MYLK2: variants seen among roughly 807,000 people sequenced by gnomAD.
The protein encoded by MYLK2 is myosin light chain kinase 2, skeletal/cardiac muscle.
A neutral mutation model predicts 58.2 loss-of-function variants in MYLK2; 27 were observed. The observed-to-expected ratio is 0.46, with a 90% CI of 0.34 to 0.64. MYLK2 has a LOEUF of 0.64. Ranked by LOEUF, MYLK2 falls within the 30% of genes least tolerant of loss-of-function variation. The pLI is 0.01. For synonymous variants in MYLK2, 310 were observed against 296.7 expected, an observed-to-expected ratio of 1.04 and a Z score of -0.46; for missense variants, 676 against 764.3, an observed-to-expected ratio of 0.88 and a Z score of 1.36.
intron 6 of MYLK2, 198 bp downstream of exon 6, chr20:31,824,550 A>G (rs2062269248): frequency 1.0e-6 from 1 of 985,354 alleles, no homozygotes; most frequent in Non-Finnish European, 1.2e-6. Flanking sequence ...ATAACCAGAT[A>G]CTTCAGTTAG....
intron 6 of MYLK2, chr20:31,824,657 CTGTGCTGGGCACTGGGGGTCTGGGAGTGA>C: frequency 1.2e-6 from 1 of 808,366 alleles, no homozygotes; most frequent in Non-Finnish European, 1.5e-6. Flanking sequence ...GGGCCAGGCC[CTGTGCTGGGCACTGGGGGTCTGGGAGTGA>C]AGTGGGTGTG....
intron 8 of MYLK2, chr20:31,828,687 GC>G (rs1287937918): frequency 3.3e-5 from 33 of 985,350 alleles, no homozygotes; most frequent in Non-Finnish European, 3.9e-5. Context: ...GCAGGGAGAT[GC>G]TGTTGCCGCC....
intron 8 of MYLK2, chr20:31,827,159 C>A: frequency 1.0e-6 from 1 of 984,676 alleles, no homozygotes; most frequent in Non-Finnish European, 1.2e-6. Context: ...AGACGTGGTA[C>A]CAGCTTTCAT....
intron 3 of MYLK2, among the ~76,000 whole-genome samples, chr20:31,821,123 C>T (rs940067651): frequency 2.0e-5 from 3 of 152,172 alleles, no homozygotes; most frequent in African/African-American, 7.2e-5. Flanking sequence ...TACCATATCA[C>T]TTTGATAATT....
intron 8 of MYLK2, chr20:31,828,713 C>A (rs1290917795): frequency 1.0e-6 from 1 of 985,282 alleles, no homozygotes; most frequent in Non-Finnish European, 1.2e-6. Flanking sequence ...ACACCTGTCC[C>A]AGTTTTGCTC....
At chr20:31,825,614 G>T (rs903836226) in intron 6 of MYLK2, among the ~76,000 whole-genome samples, 1 of 152,136 alleles carries the variant, frequency 6.6e-6, no homozygotes, top group Non-Finnish European at 1.5e-5. Context: ...TAAGGTAGAG[G>T]GGGTACAGGG....
At chr20:31,826,070 A>C (rs2062277669) in intron 6 of MYLK2, among the ~76,000 whole-genome samples, 1 of 152,006 alleles carries the variant, frequency 6.6e-6, no homozygotes, top group Admixed American at 6.6e-5. Context: ...TTTGTCCTGC[A>C]CCCTTGGGTG....
rs1259474547 is a variant in MYLK2 at position 31,833,971 on chromosome 20, C to T, written c.*174C>T. ...CGCCCCCATGCAGTGACCGCTTCCC[C>T]GATGTGAGCCGCCTCGGAGTGTGGC... On this transcript the variant is annotated 3_prime_UTR_variant, in exon 13 of 13. Coordinates refer to ENST00000375985, the MANE Select transcript of MYLK2 (RefSeq NM_033118.4). 28 of 622,256 alleles carry T rather than the reference C, an allele frequency of 4.5e-5. No individual in the cohort carries two copies. Among genetic ancestry groups the T allele is most frequent in the East Asian group, 1.1e-4 (4 of 36,102 alleles). The allele number at this position is 622,256 out of a possible 1,614,324, so 38.5% of individuals were successfully genotyped here. A position where few individuals can be genotyped will look rare whatever the true frequency, so the allele number is the denominator to read the frequency against.
Position 31,833,926 on chromosome 20 carries a change from G to T in MYLK2, c.*129G>T, listed in dbSNP as rs1019659226. 4.9e-6 allele frequency: 4 copies of T among 823,534 alleles called. No individual in the cohort carries two copies. Among genetic ancestry groups the T allele is most frequent in the African/African-American group, 1.7e-5 (1 of 58,924 alleles). The allele number at this position is 823,534 out of a possible 1,614,324, so 51.0% of individuals were successfully genotyped here. A position where few individuals can be genotyped will look rare whatever the true frequency, so the allele number is the denominator to read the frequency against. Reference sequence around the variant, plus strand: ...CGTTAGGACAAGGCTGTGCCAGGCTGGGAGGCTCGGGGCTCCCCACGCCCC... The same window carrying T: ...CGTTAGGACAAGGCTGTGCCAGGCTTGGAGGCTCGGGGCTCCCCACGCCCC... On this transcript the variant is annotated 3_prime_UTR_variant, in exon 13 of 13. Transcript: ENST00000375985.
Position 31,820,186 on chromosome 20 carries a change from C to T in MYLK2, c.113C>T (p.Pro38Leu). 6.2e-7 allele frequency: 1 copy of T among 1,614,038 alleles called. No individual in the cohort carries two copies. Among genetic ancestry groups the T allele is most frequent in the Non-Finnish European group, 8.5e-7 (1 of 1,180,030 alleles). The change falls in exon 3 of 13, where the codon CCC (proline) becomes CTC (leucine). Residue 38 changes from proline to leucine, a missense_variant. This residue lies in a region of MYLK2 where 306 missense variants were observed against 296.5 expected (regional missense o/e 1.03). Transcript: ENST00000375985. ...CTGGCTGCAGGGAAAGACCCTGGCC[C>T]CCCAGACCCAAAGAAAGCTCCGGAT... ...RPLAAGKDPG[P>L]PDPKKAPDPP...
intron 5 of MYLK2, among the ~76,000 whole-genome samples, 168 bp downstream of exon 5, chr20:31,823,750 T>C (rs1430096206): frequency 6.6e-6 from 1 of 152,256 alleles, no homozygotes; most frequent in Non-Finnish European, 1.5e-5. Flanking sequence ...TGTCACATGC[T>C]GATGTGCACT....
chr20:31,834,348 A>T lies in MYLK2; in HGVS notation c.*551A>T, dbSNP rs2062323169. Reference sequence around the variant, plus strand: ...ACCTCCATGCCCCCGCCACCTCCCCACTCCAGCAGATAAGGCCGAGCCCAC... The same window carrying T: ...ACCTCCATGCCCCCGCCACCTCCCCTCTCCAGCAGATAAGGCCGAGCCCAC... On this transcript the variant is annotated 3_prime_UTR_variant, in exon 13 of 13. Coordinates refer to ENST00000375985, the MANE Select transcript of MYLK2 (RefSeq NM_033118.4). The T allele has an allele frequency of 6.1e-6, 1 of 162,874 alleles. No homozygotes were observed. Among genetic ancestry groups the T allele is most frequent in the African/African-American group, 2.4e-5 (1 of 41,464 alleles). 10.1% of individuals were successfully genotyped at this position (162,874 alleles called of 1,614,324 possible). A position where few individuals can be genotyped will look rare whatever the true frequency, so the allele number is the denominator to read the frequency against.
At chr20:31,822,512 G>A (rs1029228354) in intron 4 of MYLK2, among the ~76,000 whole-genome samples, 1 of 152,164 alleles carries the variant, frequency 6.6e-6, no homozygotes, top group Non-Finnish European at 1.5e-5. Context: ...CAAGCAGCCC[G>A]TGGCTTGTTC....
intron 8 of MYLK2, among the ~76,000 whole-genome samples, chr20:31,828,828 G>A (rs531412470): frequency 1.8e-4 from 28 of 152,330 alleles, no homozygotes; most frequent in African/African-American, 5.0e-4. Flanking sequence ...AACAGGGTGA[G>A]GAGGTGGGTT....
intron 12 of MYLK2, among the ~76,000 whole-genome samples, chr20:31,832,899 T>G (rs191280905): frequency 9.2e-5 from 14 of 152,260 alleles, no homozygotes; most frequent in Admixed American, 8.5e-4. Context: ...TATTTTTATT[T>G]TTTTTAGAGA....
In MYLK2 at chr20:31,821,734, T is replaced by A; in HGVS notation, c.769T>A (p.Leu257Met). The change falls in exon 4 of 13, where the codon TTG becomes ATG. Residue 257 changes from leucine to methionine, a missense_variant. Leu to Met is a conservative substitution (Grantham distance 15, BLOSUM62 2). Coordinates refer to ENST00000375985, the MANE Select transcript of MYLK2 (RefSeq NM_033118.4). ...TAREEDCFQI[L>M]DDCPPPPAPF... ...CAGGGAGGAGGACTGCTTCCAGATT[T>A]TGGGTAGGCCAGGGGCAGGTGGGGG... 1 of 1,596,686 alleles carries A rather than the reference T, an allele frequency of 6.3e-7. No homozygotes were observed. The highest frequency in any genetic ancestry group is 1.1e-5 in the South Asian group (1 of 88,722).
chr20:31,831,413 C>G lies in MYLK2; in HGVS notation c.1424+272C>G, dbSNP rs1290824507. Among the ~76,000 whole-genome samples the G allele has an allele frequency of 2.0e-5, 3 of 152,054 alleles. No individual in the cohort carries two copies. In the East Asian group the frequency reaches 5.8e-4, roughly 29 times the overall value. Reference sequence around the variant, plus strand: ...GCGGGCAGAGGGGCAGTGGACATTTCCTATGTGCTCACCACATACCTTGCA... The same window carrying G: ...GCGGGCAGAGGGGCAGTGGACATTTGCTATGTGCTCACCACATACCTTGCA... On this transcript the variant is annotated intron_variant, in intron 10 of 12. Transcript: ENST00000375985.
intron 12 of MYLK2, 28 bp downstream of exon 12, chr20:31,832,164 A>G (rs1302475581): frequency 8.5e-5 from 77 of 909,954 alleles, no homozygotes; most frequent in Non-Finnish European, 1.2e-4. Context: ...GTGGGGAGGG[A>G]GGGCTTGCTA....
rs374538348 is a variant in MYLK2 at position 31,821,472 on chromosome 20, C to T, written c.507C>T (p.Ser169=). ...SEKLLAKKPP[S]EASELTFEGV... is the part of the protein sequence containing the mutation. ...AGCTGCTGGCCAAGAAGCCCCCAAGCGAGGCATCAGAGCTCACCTTTGAAG... is the reference window on the plus strand; with the variant it reads ...AGCTGCTGGCCAAGAAGCCCCCAAGTGAGGCATCAGAGCTCACCTTTGAAG... The change falls in exon 4 of 13, where the codon AGC becomes AGT. Residue 169 remains serine (S), a synonymous_variant. Transcript: ENST00000375985. 4.0e-5 allele frequency: 65 copies of T among 1,613,700 alleles called. No individual in the cohort carries two copies. The highest frequency in any genetic ancestry group is 1.3e-4 in the Admixed American group (8 of 60,002).
Sources: gnomAD v4.1 joint callset for allele counts (sites outside exome capture counted in the v4.1 genomes callset) on GRCh38, gnomAD v4.1.1 for gene constraint, gnomAD v4.1.1 regional missense constraint, MANE v1.5 for transcripts, NCBI Gene and HGNC (gene_info 2026-07-23, HGNC 2026-07-21) for gene names.